PHF24: variants seen among roughly 807,000 people sequenced by gnomAD.
The protein encoded by PHF24 is Galpha inhibitory interacting protein.
In PHF24, 25 loss-of-function variants were observed where a neutral mutation model predicts 42.6. That is an observed-to-expected ratio of 0.59 (90% CI 0.43 to 0.82). The LOEUF (loss-of-function observed/expected upper bound fraction) is 0.82. PHF24 is among the 40% of genes least tolerant of loss of function. PHF24 has a pLI of 0.00. For synonymous variants in PHF24, 185 were observed against 204.8 expected (o/e 0.90, Z 0.83); for missense variants, 470 against 538.1 (o/e 0.87, Z 1.25).
the PHF24 span, chr9:34,709,478 C>A: frequency 1.2e-5 from 19 of 1,613,874 alleles, no homozygotes; most frequent in Non-Finnish European, 1.6e-5. Context: ...TCCCCTTTAC[C>A]CACATCCCTC....
the PHF24 span, chr9:34,895,072 C>G: frequency 2.5e-6 from 1 of 398,546 alleles, no homozygotes; most frequent in Non-Finnish European, 4.4e-6. Context: ...TTTTGTTGGA[C>G]TCTTCGGTGA....
upstream of PHF24, chr9:34,957,661 G>C (rs1328955817): frequency 6.6e-6 from 1 of 152,266 alleles, no homozygotes; most frequent in African/African-American, 2.4e-5. Context: ...GTGAAGGTTC[G>C]TTGGGACCCT....
the PHF24 span, among the ~76,000 whole-genome samples, chr9:34,945,897 A>G: frequency 6.6e-6 from 1 of 152,232 alleles, no homozygotes; most frequent in Non-Finnish European, 1.5e-5. Context: ...AAATTTCAGC[A>G]AGGCCAATGG....
At chr9:34,709,906 T>A in the PHF24 span, 2 of 1,614,020 alleles carry the variant, frequency 1.2e-6, no homozygotes, top group Non-Finnish European at 1.7e-6. Flanking sequence ...GCCTGCAGGG[T>A]GGGATTCACA....
chr9:34,946,865 G>T, the PHF24 span, among the ~76,000 whole-genome samples: 1 of 152,182 alleles, frequency 6.6e-6, no homozygotes, highest in Admixed American at 6.5e-5. Flanking sequence ...TAATTAATTT[G>T]CTCTGATGAA....
At chr9:34,860,827 C>T in the PHF24 span, among the ~76,000 whole-genome samples, 1 of 152,026 alleles carries the variant, frequency 6.6e-6, no homozygotes, top group Non-Finnish European at 1.5e-5. Flanking sequence ...ATTAGCCCTC[C>T]TGTTGTAAAG....
the PHF24 span, among the ~76,000 whole-genome samples, chr9:34,727,341 G>A: frequency 1.9e-3 from 293 of 152,342 alleles, 11 homozygotes; most frequent in East Asian, 0.047. Flanking sequence ...AACATCACCA[G>A]TTAGAACCCA....
the PHF24 span, among the ~76,000 whole-genome samples, chr9:34,672,508 T>C: frequency 6.6e-6 from 1 of 152,220 alleles, no homozygotes; most frequent in Non-Finnish European, 1.5e-5. Context: ...TTCTTACAGT[T>C]ATGGAGGCTG....
the PHF24 span, among the ~76,000 whole-genome samples, chr9:34,810,181 G>A: frequency 6.6e-6 from 1 of 152,080 alleles, no homozygotes; most frequent in Non-Finnish European, 1.5e-5. Context: ...CGGGGGCGGC[G>A]GGACCGGGCC....
the PHF24 span, among the ~76,000 whole-genome samples, chr9:34,863,354 C>T: frequency 5.9e-5 from 9 of 151,968 alleles, no homozygotes; most frequent in African/African-American, 1.9e-4. Flanking sequence ...ATGTCTGACC[C>T]AGCACAGTCC....
chr9:34,689,710 G>T, the PHF24 span: 1 of 1,308,892 alleles, frequency 7.6e-7, no homozygotes, highest in Non-Finnish European at 1.1e-6. This position sits in a 1 kb window ranked among gnomAD's most constrained non-coding sequence, Gnocchi z 4.1. Context: ...CAGGTCTGGT[G>T]CAGAGGAGCT....
chr9:34,857,740 C>T, the PHF24 span, among the ~76,000 whole-genome samples: 630 of 152,254 alleles, frequency 4.1e-3, 2 homozygotes, highest in Non-Finnish European at 6.9e-3. Flanking sequence ...TCTAATTGGC[C>T]GCCTTTGCCC....
the PHF24 span, among the ~76,000 whole-genome samples, chr9:34,841,965 C>T: frequency 6.6e-6 from 1 of 152,150 alleles, no homozygotes; most frequent in Admixed American, 6.5e-5. Flanking sequence ...TTATTTATAC[C>T]GCTTTGTAAT....
At chr9:34,783,759 G>A in the PHF24 span, among the ~76,000 whole-genome samples, 1 of 152,152 alleles carries the variant, frequency 6.6e-6, no homozygotes, top group African/African-American at 2.4e-5. Context: ...TGCATTGGGA[G>A]GGCAGTGACT....
At chr9:34,881,289 A>G in the PHF24 span, among the ~76,000 whole-genome samples, 1 of 152,204 alleles carries the variant, frequency 6.6e-6, no homozygotes, top group Admixed American at 6.5e-5. Context: ...CTAACATCAC[A>G]ATTAAAAGAA....
chr9:34,704,358 A>G, the PHF24 span, among the ~76,000 whole-genome samples: 4 of 152,102 alleles, frequency 2.6e-5, no homozygotes, highest in African/African-American at 9.7e-5. Context: ...AGTCCCACCT[A>G]TCCTCTATAT....
chr9:34,969,867 G>A (rs183510258), intron 1 of PHF24, among the ~76,000 whole-genome samples: 8 of 152,094 alleles, frequency 5.3e-5, no homozygotes, highest in Non-Finnish European at 4.4e-5. Flanking sequence ...CCTCCTACCC[G>A]CTGTCACCTT....
the PHF24 span, among the ~76,000 whole-genome samples, chr9:34,901,057 T>G: frequency 6.6e-6 from 1 of 152,190 alleles, no homozygotes; most frequent in Non-Finnish European, 1.5e-5. Flanking sequence ...CTTATATCCA[T>G]TTAAAGAAAT....
At chr9:34,785,039 T>C in the PHF24 span, among the ~76,000 whole-genome samples, 8 of 152,230 alleles carry the variant, frequency 5.3e-5, no homozygotes, top group Non-Finnish European at 1.0e-4. Context: ...TCTGCTTGCG[T>C]TCCTGTAACA....
Sources: gnomAD v4.1 joint callset for allele counts (sites outside exome capture counted in the v4.1 genomes callset) on GRCh38, gnomAD v4.1.1 for gene constraint, Gnocchi (gnomAD v3.1) non-coding constraint, MANE v1.5 for transcripts, NCBI Gene and HGNC (gene_info 2026-07-23, HGNC 2026-07-21) for gene names.